Variants in SHC3 observed in about 807,000 individuals in gnomAD.
The protein encoded by SHC3 is SHC adaptor protein 3, also known as SHC-transforming protein 3.
Under a neutral mutation model 60.4 loss-of-function variants are expected in SHC3, and 15 were observed. That is an observed-to-expected ratio of 0.25 (90% CI 0.17 to 0.38). The LOEUF (loss-of-function observed/expected upper bound fraction) is 0.38. Ranked by LOEUF, SHC3 falls within the 10% of genes least tolerant of loss-of-function variation. SHC3 has a pLI of 1.00. For synonymous variants in SHC3, 294 were observed against 325.9 expected (o/e 0.90, Z 1.05); for missense variants, 677 against 786.1 (o/e 0.86, Z 1.66).
intron 3 of SHC3, among the ~76,000 whole-genome samples, chr9:89,076,183 G>A (rs1369328331): frequency 5.3e-5 from 8 of 151,988 alleles, no homozygotes; most frequent in South Asian, 4.2e-4. Flanking sequence ...CCCCTTCTTC[G>A]TTCTCAGTTG....
At chr9:89,045,226 G>A (rs1004293882) in intron 9 of SHC3, among the ~76,000 whole-genome samples, 4 of 151,856 alleles carry the variant, frequency 2.6e-5, no homozygotes, top group Non-Finnish European at 4.4e-5. Context: ...TGGTCCTGGA[G>A]CTGCAGGGAG....
At position 89,083,135 on chromosome 9, in the gene SHC3, G is replaced by C. The variant is rs185580455; in HGVS notation, c.546-5232C>G. ...AACCCATCACCACCCTGCCTCCATGGGGAAGGTGAGCCAGGCTGCACTCCC... is the reference window on the plus strand; with the variant it reads ...AACCCATCACCACCCTGCCTCCATGCGGAAGGTGAGCCAGGCTGCACTCCC... On this transcript the variant is annotated intron_variant, in intron 2 of 11. Coordinates refer to ENST00000375835, the MANE Select transcript of SHC3 (RefSeq NM_016848.6). Among the ~76,000 whole-genome samples the C allele has an allele frequency of 3.3e-4, 51 of 152,276 alleles. No homozygotes were observed. The East Asian group carries it at 8.1e-3, about 24-fold the overall frequency.
intron 2 of SHC3, among the ~76,000 whole-genome samples, chr9:89,097,027 G>A (rs1443555209): frequency 6.7e-6 from 1 of 149,636 alleles, no homozygotes; most frequent in African/African-American, 2.5e-5. Context: ...ACCAGGTCAG[G>A]AGAGGATCTC....
chr9:89,161,337 T>A (rs1293113596), intron 1 of SHC3, among the ~76,000 whole-genome samples: 10 of 152,172 alleles, frequency 6.6e-5, no homozygotes, highest in Non-Finnish European at 4.4e-5. Context: ...TGCTCCCGCT[T>A]CTGCCATGTG....
chr9:89,158,792 A>T (rs189730807), intron 1 of SHC3, among the ~76,000 whole-genome samples: 3 of 152,222 alleles, frequency 2.0e-5, no homozygotes, highest in Admixed American at 1.3e-4. Flanking sequence ...CTGTAATAGG[A>T]CTCTAGTTCA....
chr9:89,129,568 A>C (rs113606823), intron 1 of SHC3, among the ~76,000 whole-genome samples: 6,610 of 152,284 alleles, frequency 0.043, 240 homozygotes, highest in African/African-American at 0.099. Flanking sequence ...CTCGGCAGAA[A>C]CTCTACAAGC....
rs547519005 is a variant in SHC3 at position 89,079,029 on chromosome 9, A to C, written c.546-1126T>G. Among the ~76,000 whole-genome samples the C allele has an allele frequency of 5.3e-5, 8 of 152,364 alleles. No homozygotes were observed. In the South Asian group the frequency reaches 1.7e-3, roughly 32 times the overall value. On this transcript the variant is annotated intron_variant, in intron 2 of 11. Coordinates refer to ENST00000375835, the MANE Select transcript of SHC3 (RefSeq NM_016848.6). The stretch of plus-strand genomic sequence containing the variant: ...CAGTTACGCAACAGACTATCAGGAC[A>C]AGCTTCCCATTTGCCACTCAATTTA...
At chr9:89,159,404 G>A (rs748189998) in intron 1 of SHC3, among the ~76,000 whole-genome samples, 1 of 152,150 alleles carries the variant, frequency 6.6e-6, no homozygotes, top group African/African-American at 2.4e-5. Context: ...AGTGAGAAAT[G>A]TTTGGCTTGG....
chr9:89,130,973 GT>G (rs1398574280), intron 1 of SHC3, among the ~76,000 whole-genome samples: 1 of 152,022 alleles, frequency 6.6e-6, no homozygotes, highest in East Asian at 1.9e-4. Flanking sequence ...CCAGGAGCTG[GT>G]TTTTTGAAAA....
At chr9:89,079,948 C>T (rs752205631) in intron 2 of SHC3, among the ~76,000 whole-genome samples, 1 of 152,132 alleles carries the variant, frequency 6.6e-6, no homozygotes, top group Non-Finnish European at 1.5e-5. Context: ...AATGCTCATA[C>T]GATAACACGT....
intron 1 of SHC3, among the ~76,000 whole-genome samples, chr9:89,148,322 A>G (rs1482289088): frequency 1.3e-5 from 2 of 152,252 alleles, no homozygotes; most frequent in Non-Finnish European, 2.9e-5. Context: ...GAGGGTTAAA[A>G]AAATGGAATC....
Position 89,174,374 on chromosome 9 carries a change from G to A in SHC3, c.474+3613C>T, listed in dbSNP as rs564186836. Among the ~76,000 whole-genome samples the A allele has an allele frequency of 1.9e-4, 29 of 152,302 alleles. 1 individual carries two copies. The South Asian group carries it at 5.8e-3, about 30-fold the overall frequency. On this transcript the variant is annotated intron_variant, in intron 1 of 11. Coordinates refer to ENST00000375835, the MANE Select transcript of SHC3 (RefSeq NM_016848.6). ...GTCCAGTGTATCAGGAAATAATGCAGTACTTTTCTGATCGTTAAATCTCCT... is the reference window on the plus strand; with the variant it reads ...GTCCAGTGTATCAGGAAATAATGCAATACTTTTCTGATCGTTAAATCTCCT...
chr9:89,163,488 G>A (rs1018904911), intron 1 of SHC3, among the ~76,000 whole-genome samples: 15 of 148,004 alleles, frequency 1.0e-4, no homozygotes, highest in African/African-American at 3.2e-4. Context: ...GTAAACTATC[G>A]CAAGAACAAA....
intron 11 of SHC3, among the ~76,000 whole-genome samples, chr9:89,032,812 C>G (rs1824512415): frequency 6.6e-6 from 1 of 152,088 alleles, no homozygotes; most frequent in African/African-American, 2.4e-5. Flanking sequence ...CCAAGTTTCC[C>G]CCTTTATAGT....
intron 1 of SHC3, among the ~76,000 whole-genome samples, chr9:89,166,607 G>C (rs914058793): frequency 6.6e-6 from 1 of 152,144 alleles, no homozygotes; most frequent in African/African-American, 2.4e-5. Context: ...GAATCGAAAA[G>C]GGGTTTAGAT....
chr9:89,082,196 T>C (rs528483355), intron 2 of SHC3, among the ~76,000 whole-genome samples: 1 of 152,260 alleles, frequency 6.6e-6, no homozygotes, highest in South Asian at 2.1e-4. Context: ...CCTTTTTTAT[T>C]TGAAGACTCC....
chr9:89,076,239 C>T (rs1001417710), intron 3 of SHC3, among the ~76,000 whole-genome samples: 4 of 152,056 alleles, frequency 2.6e-5, no homozygotes, highest in African/African-American at 9.7e-5. Context: ...TACTTGGTTC[C>T]CCATGGACTG....
In SHC3 at chr9:89,010,737, C is replaced by T. The variant is rs1158165328; in HGVS notation, c.*2710G>A. The stretch of plus-strand genomic sequence containing the variant: ...GTTCAGCTTCCCTGCCCTGCCCAGG[C>T]AGAGATGTGGCCTGAGAAAGTGTGG... On this transcript the variant is annotated 3_prime_UTR_variant, in exon 12 of 12. Coordinates refer to ENST00000375835, the MANE Select transcript of SHC3 (RefSeq NM_016848.6). 6.6e-6 allele frequency: 1 copy of T among 152,498 alleles called. No individual in the cohort carries two copies. Among genetic ancestry groups the T allele is most frequent in the African/African-American group, 2.4e-5 (1 of 41,482 alleles). The allele number at this position is 152,498 out of a possible 1,614,324, so 9.4% of individuals were successfully genotyped here.
chr9:89,111,876 A>G (rs1444051635), intron 2 of SHC3, among the ~76,000 whole-genome samples: 1 of 152,248 alleles, frequency 6.6e-6, no homozygotes, highest in Non-Finnish European at 1.5e-5. Context: ...GAAATGTAGC[A>G]GTTTCACAGA....
Sources: allele counts gnomAD v4.1 joint callset (sites outside exome capture counted in the v4.1 genomes callset), GRCh38; gene constraint gnomAD v4.1.1; transcripts MANE v1.5; gene names NCBI Gene and HGNC (gene_info 2026-07-23, HGNC 2026-07-21).